The following NIPA2 variants were observed in gnomAD, a reference collection of about 807,000 sequenced individuals.
NIPA2 encodes the protein NIPA magnesium transporter 2.
A neutral mutation model predicts 29.7 loss-of-function variants in NIPA2; 11 were observed. The observed-to-expected ratio is 0.37, with a 90% confidence interval of 0.23 to 0.61. The LOEUF (loss-of-function observed/expected upper bound fraction) is 0.61, where lower values mean the gene tolerates loss of function less well. Ranked by LOEUF, NIPA2 falls within the 20% of genes least tolerant of loss-of-function variation. NIPA2 has a pLI of 0.66. For missense variants in NIPA2, 426 were observed against 437.9 expected, an observed-to-expected ratio of 0.97 and a Z score of 0.24; for synonymous variants, 183 against 161.9, an observed-to-expected ratio of 1.13 and a Z score of -0.99.
At chr15:22,846,309 GT>G (rs2057536857) in intron 3 of NIPA2, among the ~76,000 whole-genome samples, 1 of 152,106 alleles carries the variant, frequency 6.6e-6, no homozygotes, top group South Asian at 2.1e-4. Context: ...GATGAGAATT[GT>G]TTGGCATCTT....
intron 3 of NIPA2, among the ~76,000 whole-genome samples, chr15:22,849,390 A>AATC (rs76363859): frequency 0.21 from 31,928 of 151,800 alleles, 3,551 homozygotes; most frequent in Admixed American, 0.31. Flanking sequence ...TTTCTCATGG[A>AATC]ATCTTGCCTT....
At position 22,847,147 on chromosome 15, in the gene NIPA2, C is replaced by G. The variant is rs371025404; in HGVS notation, c.-94+1880C>G. Among the ~76,000 whole-genome samples, 8 of 152,052 alleles carry G rather than the reference C, an allele frequency of 5.3e-5. No individual in the cohort carries two copies. In the East Asian group the frequency reaches 1.4e-3, roughly 26 times the overall value. On this transcript the variant is annotated intron_variant, in intron 3 of 7. Coordinates refer to ENST00000337451, the MANE Select transcript of NIPA2 (RefSeq NM_030922.7). Reference sequence around the variant, plus strand: ...TCTCGAACTCCCGACCTCAGGTGATCTGCCCGCTTCTTCCTCCCAAAGTGC... The same window carrying G: ...TCTCGAACTCCCGACCTCAGGTGATGTGCCCGCTTCTTCCTCCCAAAGTGC...
At chr15:22,864,820 T>C (rs1434479400) in intron 7 of NIPA2, among the ~76,000 whole-genome samples, 1 of 151,964 alleles carries the variant, frequency 6.6e-6, no homozygotes, top group Non-Finnish European at 1.5e-5. Flanking sequence ...GTACCAGTTA[T>C]TAGTTAGCCT....
intron 2 of NIPA2, among the ~76,000 whole-genome samples, chr15:22,842,317 G>C (rs183490328): frequency 9.1e-4 from 138 of 152,304 alleles, no homozygotes; most frequent in African/African-American, 3.1e-3. Context: ...ATATGGAGGA[G>C]GAAAGGTAGG....
chr15:22,843,257 C>T (rs1211644943), intron 2 of NIPA2, among the ~76,000 whole-genome samples: 2 of 152,082 alleles, frequency 1.3e-5, no homozygotes, highest in East Asian at 3.9e-4. Context: ...GTAATCCCAG[C>T]ACTTTAGGAG....
chr15:22,866,928 T>C lies in NIPA2; in HGVS notation c.*81T>C. The stretch of plus-strand genomic sequence containing the variant: ...TCAGAATGTGTCTGAAAAAACATTG[T>C]CCTCAAATAATGTTCTTTAAAGGCA... On this transcript the variant is annotated 3_prime_UTR_variant, in exon 8 of 8. Transcript: ENST00000337451. The C allele has an allele frequency of 7.6e-7, 1 of 1,315,696 alleles. No homozygotes were observed. Among genetic ancestry groups the C allele is most frequent in the East Asian group, 2.3e-5 (1 of 43,058 alleles). 81.5% of individuals were successfully genotyped at this position (1,315,696 alleles called of 1,614,324 possible). A position where few individuals can be genotyped will look rare whatever the true frequency, so the allele number is the denominator to read the frequency against.
At chr15:22,850,230 G>A (rs1027934615) in intron 3 of NIPA2, among the ~76,000 whole-genome samples, 2 of 151,974 alleles carry the variant, frequency 1.3e-5, no homozygotes, top group Non-Finnish European at 2.9e-5. Context: ...TCACTGGGAC[G>A]ATTTTGTTCT....
rs560301071 is a variant in NIPA2 at position 22,840,250 on chromosome 15, G to C, written c.-216+460G>C. On this transcript the variant is annotated intron_variant, in intron 2 of 7. Coordinates refer to ENST00000337451, the MANE Select transcript of NIPA2 (RefSeq NM_030922.7). ...TAACTTAGATAGCAGTGGAAACCAGGTAGTAAAGATTTCGTAGAAAACTAA... is the reference window on the plus strand; with the variant it reads ...TAACTTAGATAGCAGTGGAAACCAGCTAGTAAAGATTTCGTAGAAAACTAA... 1.5e-4 allele frequency among the ~76,000 whole-genome samples: 22 copies of C among 151,214 alleles called. No homozygotes were observed. The East Asian group carries it at 4.3e-3, about 29-fold the overall frequency.
intron 7 of NIPA2, among the ~76,000 whole-genome samples, chr15:22,862,446 C>A (rs1222785055): frequency 6.6e-6 from 1 of 152,148 alleles, no homozygotes. Context: ...CTGTTTATTG[C>A]AGTTCCTGAC....
At position 22,858,544 on chromosome 15, in the gene NIPA2, A is replaced by G. The variant is rs1198396115; in HGVS notation, c.201A>G (p.Gly67=). Residue 67 remains glycine, a synonymous_variant, in exon 6 of 8, where the codon GGA becomes GGG. Transcript: ENST00000337451. ...CTTTTGTTGTCTGTCTCTAAGTGGG[A>G]GCTGGTGAGGTGGCCAACTTCGCTG... ...WLWWAGLLSM[G]AGEVANFAAY... The G allele has an allele frequency of 6.2e-6, 10 of 1,603,982 alleles. No homozygotes were observed. Among genetic ancestry groups the G allele is most frequent in the African/African-American group, 1.3e-5 (1 of 74,724 alleles).
At chr15:22,856,188 T>G (rs1451686955) in intron 5 of NIPA2, among the ~76,000 whole-genome samples, 1 of 152,056 alleles carries the variant, frequency 6.6e-6, no homozygotes, top group Non-Finnish European at 1.5e-5. Context: ...TGTTGTGTAT[T>G]AAAAAATACA....
intron 2 of NIPA2, among the ~76,000 whole-genome samples, chr15:22,842,126 A>G (rs918376776): frequency 1.8e-4 from 28 of 152,298 alleles, no homozygotes; most frequent in African/African-American, 6.7e-4. Context: ...TACCTCTAGC[A>G]GGAGATAACC....
rs978144033 is a variant in NIPA2, at chr15:22,865,213, G to A, written c.449-1000G>A. On this transcript the variant is annotated intron_variant, in intron 7 of 7. Coordinates refer to ENST00000337451, the MANE Select transcript of NIPA2 (RefSeq NM_030922.7). ...CTTTAATAATCTATTACTGCTGGGT[G>A]CGGTGGCTCACGCCTGTAATCCCAG... 3.8e-4 allele frequency among the ~76,000 whole-genome samples: 58 copies of A among 151,624 alleles called. 1 individual carries two copies. The highest frequency in any genetic ancestry group is 3.9e-4 in the Admixed American group (6 of 15,244).
At chr15:22,852,467 TA>T (rs71411211) in intron 4 of NIPA2, among the ~76,000 whole-genome samples, 536 of 130,668 alleles carry the variant, frequency 4.1e-3, no homozygotes, top group Non-Finnish European at 4.1e-3. Context: ...AGACTCCGTC[TA>T]AAAAAAAAAA....
At chr15:22,842,180 C>T (rs1474697045) in intron 2 of NIPA2, among the ~76,000 whole-genome samples, 1 of 152,188 alleles carries the variant, frequency 6.6e-6, no homozygotes, top group African/African-American at 2.4e-5. Context: ...ATTGTACATG[C>T]TCAGTAAACG....
Position 22,847,751 on chromosome 15 carries a change from C to T in NIPA2, c.-94+2484C>T, listed in dbSNP as rs181607745. On this transcript the variant is annotated intron_variant, in intron 3 of 7. Coordinates refer to ENST00000337451, the MANE Select transcript of NIPA2 (RefSeq NM_030922.7). The stretch of plus-strand genomic sequence containing the variant: ...TGTTGGGATTACAGGCATGAGCCAC[C>T]GTGCCCGGCCGATGATTTTTATGTC... Among the ~76,000 whole-genome samples, 197 of 152,068 alleles carry T rather than the reference C, an allele frequency of 1.3e-3. 3 individuals are homozygous for T. The Middle Eastern group carries it at 0.024, about 18-fold the overall frequency.
intron 2 of NIPA2, among the ~76,000 whole-genome samples, chr15:22,841,252 A>T (rs1566810900): frequency 1.3e-5 from 2 of 152,240 alleles, no homozygotes; most frequent in Non-Finnish European, 2.9e-5. Flanking sequence ...CATAAATCTC[A>T]AATATACACA....
At position 22,860,620 on chromosome 15, in the gene NIPA2, C is replaced by T; in HGVS notation, c.288-9C>T. ...TAAAGTTCTCAATTTTTTTTCCTCC[C>T]CATTTTAGTGCCATTCTTTCTTCAT... On this transcript the variant is annotated splice_polypyrimidine_tract_variant and intron_variant, in intron 6 of 7. Transcript: ENST00000337451. 1 of 1,526,384 alleles carries T rather than the reference C, an allele frequency of 6.6e-7. No homozygotes were observed. The highest frequency in any genetic ancestry group is 2.4e-5 in the East Asian group (1 of 41,326). 94.6% of individuals were successfully genotyped at this position (1,526,384 alleles called of 1,614,324 possible). A position where few individuals can be genotyped will look rare whatever the true frequency, so the allele number is the denominator to read the frequency against.
intron 3 of NIPA2, among the ~76,000 whole-genome samples, chr15:22,851,074 G>A (rs1045357290): frequency 2.0e-5 from 3 of 152,080 alleles, no homozygotes; most frequent in South Asian, 2.1e-4. Flanking sequence ...AAAGGCCACC[G>A]GTACCATACT....
Sources: allele counts gnomAD v4.1 joint callset (sites outside exome capture counted in the v4.1 genomes callset), GRCh38; gene constraint gnomAD v4.1.1; transcripts MANE v1.5; gene names NCBI Gene and HGNC (gene_info 2026-07-23, HGNC 2026-07-21).